Variants in SAMD5 observed in about 807,000 individuals in gnomAD.
SAMD5 encodes sterile alpha motif domain containing 5, also known as sterile alpha motif domain-containing protein 5.
In SAMD5, 13 loss-of-function variants were observed where a neutral mutation model predicts 11.3. The ratio of observed to expected loss-of-function variants is 1.15; its 90% CI spans 0.75 to 1.83. SAMD5 has a LOEUF of 1.83. SAMD5 is among the 40% of genes most tolerant of loss of function. The pLI is 0.00. For missense variants in SAMD5, 255 were observed against 239.1 expected (o/e 1.07, Z -0.44); for synonymous variants, 129 against 111.3 (o/e 1.16, Z -1.00).
At chr6:147,943,216 C>T in the SAMD5 span, among the ~76,000 whole-genome samples, 7 of 152,220 alleles carry the variant, frequency 4.6e-5, no homozygotes, top group African/African-American at 7.2e-5. Context: ...TGTATGTGCA[C>T]GAACATCATT....
intron 1 of SAMD5, among the ~76,000 whole-genome samples, chr6:147,516,335 T>C (rs1001096203): frequency 1.1e-4 from 16 of 152,192 alleles, no homozygotes; most frequent in African/African-American, 3.9e-4. Flanking sequence ...ATGGTACTGC[T>C]TTCTGCTGAT....
At chr6:147,768,206 C>T in the SAMD5 span, among the ~76,000 whole-genome samples, 3 of 152,110 alleles carry the variant, frequency 2.0e-5, no homozygotes, top group Non-Finnish European at 4.4e-5. Context: ...AGGCTAGGCA[C>T]AGTGGTTTAG....
Position 147,566,825 on chromosome 6 carries a change from A to G in SAMD5, c.*2369A>G, listed in dbSNP as rs889038910. 3 of 979,334 alleles carry G rather than the reference A, an allele frequency of 3.1e-6. No homozygotes were observed. The highest frequency in any genetic ancestry group is 3.6e-6 in the Non-Finnish European group (3 of 824,622). The allele number at this position is 979,334 out of a possible 1,614,324, so 60.7% of individuals were successfully genotyped here. ...ATTCCTTTGCATTAAAATCAAGATG[A>G]GGTAAGAGGTAGAATATAAGAGAAA... is the stretch of plus-strand genomic sequence containing the variant. On this transcript the variant is annotated 3_prime_UTR_variant, in exon 2 of 2. Transcript: ENST00000367474.
chr6:147,871,353 A>G, the SAMD5 span, among the ~76,000 whole-genome samples: 1 of 152,196 alleles, frequency 6.6e-6, no homozygotes, highest in Non-Finnish European at 1.5e-5. Flanking sequence ...GAATAAAACT[A>G]TAAAAACTAT....
the SAMD5 span, among the ~76,000 whole-genome samples, chr6:147,932,884 T>G: frequency 6.6e-6 from 1 of 152,170 alleles, no homozygotes; most frequent in African/African-American, 2.4e-5. Context: ...TTCGGTAAAT[T>G]GATTTCTGTA....
chr6:147,883,662 C>T, the SAMD5 span, among the ~76,000 whole-genome samples: 1 of 152,180 alleles, frequency 6.6e-6, no homozygotes, highest in Non-Finnish European at 1.5e-5. Context: ...CTTCTCTTTG[C>T]ACCATTAAAA....
the SAMD5 span, among the ~76,000 whole-genome samples, chr6:147,929,178 T>C: frequency 6.6e-6 from 1 of 152,148 alleles, no homozygotes. Context: ...GTAAGTTCAG[T>C]TGTCTTCACT....
At chr6:147,551,839 T>C (rs911091858) in intron 1 of SAMD5, among the ~76,000 whole-genome samples, 2 of 144,276 alleles carry the variant, frequency 1.4e-5, no homozygotes, top group African/African-American at 2.6e-5. Flanking sequence ...TATATATATG[T>C]ATATATGTAT....
chr6:147,885,515 G>C, the SAMD5 span, among the ~76,000 whole-genome samples: 2 of 151,912 alleles, frequency 1.3e-5, no homozygotes, highest in Non-Finnish European at 2.9e-5. Context: ...ATTAAAAAAA[G>C]TAAAATTTTT....
At chr6:147,672,547 T>C (rs1233986244) in intron 1 of SAMD5, among the ~76,000 whole-genome samples, 3 of 152,284 alleles carry the variant, frequency 2.0e-5, no homozygotes, top group Non-Finnish European at 2.9e-5. Flanking sequence ...TGGATAATCA[T>C]GGTATATTTT....
intron 1 of SAMD5, among the ~76,000 whole-genome samples, chr6:147,562,678 C>T (rs1299323673): frequency 3.9e-5 from 6 of 152,052 alleles, no homozygotes; most frequent in Non-Finnish European, 5.9e-5. Context: ...AAAAATTAGC[C>T]GGGCTTGGTG....
chr6:147,527,282 C>A (rs1338839918), intron 1 of SAMD5, among the ~76,000 whole-genome samples: 6 of 152,084 alleles, frequency 3.9e-5, no homozygotes, highest in South Asian at 4.2e-4. Flanking sequence ...ACGTCTGCTT[C>A]CAGGGAGGCC....
At position 147,513,269 on chromosome 6, in the gene SAMD5, T is replaced by C. The variant is rs77036194; in HGVS notation, c.459+3882T>C. The stretch of plus-strand genomic sequence containing the variant: ...CCTGACCAGAGGCAAGCCAAACACT[T>C]AGGAGACTGTTGCAGTGTCAGGAGA... On this transcript the variant is annotated intron_variant, in intron 1 of 1. Transcript: ENST00000367474. 1.4e-4 allele frequency among the ~76,000 whole-genome samples: 22 copies of C among 152,238 alleles called. No homozygotes were observed. The East Asian group carries it at 4.2e-3, about 29-fold the overall frequency.
intron 1 of SAMD5, among the ~76,000 whole-genome samples, chr6:147,654,615 C>G (rs1275183826): frequency 6.6e-6 from 1 of 152,000 alleles, no homozygotes; most frequent in South Asian, 2.1e-4. Flanking sequence ...TTCTGATTAG[C>G]CTGTTTTTCT....
intron 1 of SAMD5, among the ~76,000 whole-genome samples, chr6:147,520,199 C>A (rs984100482): frequency 2.7e-5 from 4 of 149,986 alleles, no homozygotes; most frequent in South Asian, 2.1e-4. Context: ...CTCACTGCAA[C>A]CTTCACCTCC....
intron 1 of SAMD5, among the ~76,000 whole-genome samples, chr6:147,664,014 G>A (rs1790683584): frequency 1.3e-5 from 2 of 151,566 alleles, no homozygotes; most frequent in South Asian, 4.2e-4. Context: ...AAGCTTAGAA[G>A]GACTAGAGGA....
chr6:147,609,516 A>C (rs1789750013), intron 1 of SAMD5, among the ~76,000 whole-genome samples: 1 of 151,956 alleles, frequency 6.6e-6, no homozygotes, highest in Non-Finnish European at 1.5e-5. Context: ...TCCCATCACT[A>C]CTGGATTGCT....
At chr6:147,622,310 C>T (rs559292735) in intron 1 of SAMD5, among the ~76,000 whole-genome samples, 3 of 152,260 alleles carry the variant, frequency 2.0e-5, no homozygotes, top group South Asian at 4.1e-4. Context: ...AGTGCAGATG[C>T]TATGTAAAGT....
chr6:147,561,459 G>C (rs914345392), intron 1 of SAMD5, among the ~76,000 whole-genome samples: 5 of 152,152 alleles, frequency 3.3e-5, no homozygotes, highest in Non-Finnish European at 7.3e-5. Context: ...CAAAGTGCTG[G>C]GATTACAGGC....
Sources: allele counts gnomAD v4.1 joint callset (sites outside exome capture counted in the v4.1 genomes callset), GRCh38; gene constraint gnomAD v4.1.1; transcripts MANE v1.5; gene names NCBI Gene and HGNC (gene_info 2026-07-23, HGNC 2026-07-21).